APAF1: variants seen among roughly 807,000 people sequenced by gnomAD.
APAF1 encodes the protein apoptotic peptidase activating factor 1.
Under a neutral mutation model 152.4 loss-of-function variants are expected in APAF1, and 91 were observed. That is an observed-to-expected ratio of 0.60 (90% CI 0.50 to 0.71). The LOEUF (loss-of-function observed/expected upper bound fraction) is 0.71, where lower values mean the gene tolerates loss of function less well. APAF1 is among the 30% of genes least tolerant of loss of function. The pLI is 0.00. For synonymous variants in APAF1, 484 were observed against 494.1 expected, an observed-to-expected ratio of 0.98 and a Z score of 0.27; for missense variants, 1,283 against 1,472.0, an observed-to-expected ratio of 0.87 and a Z score of 2.10.
chr12:98,701,110 C>T (rs187283488), intron 17 of APAF1, among the ~76,000 whole-genome samples: 4 of 152,040 alleles, frequency 2.6e-5, no homozygotes, highest in South Asian at 2.1e-4. Context: ...ATCCCCTAGC[C>T]GACCTATAAT....
chr12:98,648,335 C>G lies in APAF1; in HGVS notation c.-25C>G, dbSNP rs1565850645. Reference sequence around the variant, plus strand: ...TGGCTGTAGCTCATGGTTGACAGCTCAGAGAGAGAAAGATCTGAGGGAAGA... The same window carrying G: ...TGGCTGTAGCTCATGGTTGACAGCTGAGAGAGAGAAAGATCTGAGGGAAGA... On this transcript the variant is annotated 5_prime_UTR_variant, in exon 2 of 27. An upstream open reading frame in the 5' UTR gains an earlier in-frame stop. Coordinates refer to ENST00000551964, the MANE Select transcript of APAF1 (RefSeq NM_181861.2). 6.2e-7 allele frequency: 1 copy of G among 1,613,820 alleles called. No homozygotes were observed. The highest frequency in any genetic ancestry group is 1.3e-5 in the African/African-American group (1 of 74,986).
At chr12:98,719,366 T>C (rs993852285) in intron 22 of APAF1, among the ~76,000 whole-genome samples, 2 of 152,160 alleles carry the variant, frequency 1.3e-5, no homozygotes, top group Non-Finnish European at 2.9e-5. Flanking sequence ...TCTTTTCTTT[T>C]TTTTGAGACA....
intron 4 of APAF1, among the ~76,000 whole-genome samples, chr12:98,652,961 A>T (rs545126070): frequency 6.6e-6 from 1 of 151,916 alleles, no homozygotes; most frequent in Non-Finnish European, 1.5e-5. Flanking sequence ...TTAATTTGCC[A>T]TCTGATTAAT....
At chr12:98,718,926 C>T (rs2097738186) in intron 22 of APAF1, among the ~76,000 whole-genome samples, 2 of 152,008 alleles carry the variant, frequency 1.3e-5, no homozygotes, top group East Asian at 3.9e-4. Context: ...AGAGCAAGTC[C>T]CCATCTCAAA....
intron 16 of APAF1, 136 bp from the exon 17 acceptor site, chr12:98,699,271 CA>C: frequency 1.1e-6 from 1 of 869,818 alleles, no homozygotes; most frequent in Non-Finnish European, 1.7e-6. Context: ...AAAAGCCTTA[CA>C]AAAAGTCATG....
intron 10 of APAF1, among the ~76,000 whole-genome samples, chr12:98,670,374 C>T (rs1361242118): frequency 6.6e-6 from 1 of 152,070 alleles, no homozygotes; most frequent in Admixed American, 6.6e-5. Context: ...TGAATTGTGG[C>T]TCCCATCCTT....
At chr12:98,710,650 C>T (rs1324359905) in intron 20 of APAF1, among the ~76,000 whole-genome samples, 1 of 152,152 alleles carries the variant, frequency 6.6e-6, no homozygotes, top group African/African-American at 2.4e-5. Context: ...TCTTGAACTC[C>T]TGGCCTCAAG....
intron 7 of APAF1, among the ~76,000 whole-genome samples, chr12:98,665,278 A>ATTT (rs376318016): frequency 1.5e-4 from 10 of 65,988 alleles, no homozygotes; most frequent in African/African-American, 3.4e-4. Context: ...ATATATATAT[A>ATTT]TTTTTTTTTT....
rs71305589 is a variant in APAF1 at position 98,667,765 on chromosome 12, A to ATTTT, written c.1494+142_1494+145dup. The ATTTT allele has an allele frequency of 2.0e-3, 633 of 322,102 alleles. 5 individuals carry two copies. Among genetic ancestry groups the ATTTT allele is most frequent in the East Asian group, 5.1e-3 (64 of 12,584 alleles). The allele number at this position is 322,102 out of a possible 1,614,324, so 20.0% of individuals were successfully genotyped here. On this transcript the variant is annotated intron_variant, in intron 10 of 26. Coordinates refer to ENST00000551964, the MANE Select transcript of APAF1 (RefSeq NM_181861.2). ...TTTTGTTCATATTGCTTTCCATTTG[A>ATTTT]TTTTTTTTTTTTTTTTTTTTTTTTG...
At chr12:98,692,713 A>C (rs1211764584) in intron 16 of APAF1, among the ~76,000 whole-genome samples, 1 of 152,238 alleles carries the variant, frequency 6.6e-6, no homozygotes, top group Non-Finnish European at 1.5e-5. Context: ...TGTTGCTGGA[A>C]AGGACATGAT....
chr12:98,670,930 G>C (rs1351913377), intron 10 of APAF1, 43 bp from the exon 11 acceptor site: 2 of 1,257,532 alleles, frequency 1.6e-6, no homozygotes, highest in Admixed American at 1.7e-5. Context: ...AAAATTTTTT[G>C]ATCTCTAACA....
At position 98,680,378 on chromosome 12, in the gene APAF1, C is replaced by A. The variant is rs749682848; in HGVS notation, c.2022C>A (p.Thr674=). 19 of 1,613,558 alleles carry A rather than the reference C, an allele frequency of 1.2e-5. No individual in the cohort carries two copies. The highest frequency in any genetic ancestry group is 1.5e-5 in the Non-Finnish European group (18 of 1,179,950). Residue 674 remains threonine (T), a synonymous_variant, in exon 14 of 27, where the codon ACC becomes ACA. Transcript: ENST00000551964. ...AFSTDDRFIA[T]CSVDKKVKIW... ...CTACAGATGACAGATTTATAGCAAC[C>A]TGCTCAGTGGATAAAAAAGTGAAGG...
chr12:98,659,328 T>C lies in APAF1; in HGVS notation c.695T>C (p.Leu232Pro). The change falls in exon 5 of 27, where the codon CTT becomes CCT. Residue 232 changes from leucine (L) to proline (P), a missense_variant. Physicochemically the swap from Leu to Pro is moderately conservative, Grantham distance 98 (BLOSUM62 -3). Transcript: ENST00000551964. ...AAAGACCGTCTCCGCATTCTGATGC[T>C]TCGCAAACACCCAAGGTACCGATGG... ...EAKDRLRILM[L>P]RKHPRSLLIL... 1 of 1,614,208 alleles carries C rather than the reference T, an allele frequency of 6.2e-7. No individual in the cohort carries two copies. The highest frequency in any genetic ancestry group is 8.5e-7 in the Non-Finnish European group (1 of 1,180,032).
At chr12:98,687,041 T>C (rs1471733284) in intron 16 of APAF1, among the ~76,000 whole-genome samples, 168 bp downstream of exon 16, 2 of 152,218 alleles carry the variant, frequency 1.3e-5, no homozygotes, top group Non-Finnish European at 2.9e-5. Flanking sequence ...AATGATTGTT[T>C]ATGAATGGTG....
Position 98,648,763 on chromosome 12 carries a change from T to C in APAF1, c.276T>C (p.Pro92=). The C allele has an allele frequency of 1.2e-6, 2 of 1,614,090 alleles. No individual in the cohort carries two copies. Among genetic ancestry groups the C allele is most frequent in the African/African-American group, 1.3e-5 (1 of 75,066 alleles). Residue 92 remains proline, a synonymous_variant, in exon 3 of 27, where the codon CCT becomes CCC. Transcript: ENST00000551964. The stretch of plus-strand genomic sequence containing the variant: ...CTGCCCTTCTCCATGATGGCATTCC[T>C]GTTGTCTCTTCTTCCAGTGGTAAAG... The part of the protein sequence containing the change: ...DLAALLHDGI[P]VVSSSSGKDS...
intron 19 of APAF1, 50 bp from the exon 20 acceptor site, chr12:98,708,535 A>G: frequency 6.3e-7 from 1 of 1,589,236 alleles, no homozygotes; most frequent in Non-Finnish European, 8.6e-7. Flanking sequence ...TTTAAGATGA[A>G]GACATGTTAT....
intron 16 of APAF1, among the ~76,000 whole-genome samples, chr12:98,692,988 C>A (rs552203010): frequency 6.6e-6 from 1 of 151,942 alleles, no homozygotes; most frequent in Non-Finnish European, 1.5e-5. Flanking sequence ...AGTCACCGAA[C>A]AAATTTACAT....
chr12:98,650,733 T>TA (rs1438134767), intron 4 of APAF1, among the ~76,000 whole-genome samples: 10 of 152,100 alleles, frequency 6.6e-5, no homozygotes, highest in Admixed American at 6.6e-4. Context: ...CCTCTATCAT[T>TA]ACAGAGAAGT....
In APAF1 at chr12:98,708,674, C is replaced by G; in HGVS notation, c.2811C>G (p.Val937=). Residue 937 remains valine, a synonymous_variant, in exon 20 of 27, where the codon GTC becomes GTG. Coordinates refer to ENST00000551964, the MANE Select transcript of APAF1 (RefSeq NM_181861.2). ...DVVFQENEVM[V]LAVDHIRRLQ... ...TGTTTCAAGAAAATGAAGTGATGGTCCTTGCAGTTGACCATATAAGACGTC... is the reference window on the plus strand; with the variant it reads ...TGTTTCAAGAAAATGAAGTGATGGTGCTTGCAGTTGACCATATAAGACGTC... 1 of 1,613,672 alleles carries G rather than the reference C, an allele frequency of 6.2e-7. No individual in the cohort carries two copies.
Sources: allele counts gnomAD v4.1 joint callset (sites outside exome capture counted in the v4.1 genomes callset), GRCh38; gene constraint gnomAD v4.1.1; transcripts MANE v1.5; gene names NCBI Gene and HGNC (gene_info 2026-07-23, HGNC 2026-07-21).